Variants in CELF2 observed in about 807,000 individuals in gnomAD.
The protein encoded by CELF2 is CUG triplet repeat RNA-binding protein 2.
In CELF2, 8 loss-of-function variants were observed where a neutral mutation model predicts 62.6. The observed-to-expected ratio is 0.13, with a 90% CI of 0.07 to 0.23. The LOEUF (loss-of-function observed/expected upper bound fraction) is 0.23, where lower values mean the gene tolerates loss of function less well. CELF2 is among the 10% of genes least tolerant of loss of function. CELF2 has a pLI of 1.00. For synonymous variants in CELF2, 258 were observed against 250.0 expected (o/e 1.03, Z -0.30); for missense variants, 333 against 671.0 (o/e 0.50, Z 5.56).
intron 1 of CELF2, among the ~76,000 whole-genome samples, chr10:11,073,005 C>G (rs2070633868): frequency 6.6e-6 from 1 of 151,800 alleles, no homozygotes; most frequent in South Asian, 2.1e-4. Flanking sequence ...TTACACAAAT[C>G]ACACTCTTAT....
At chr10:10,852,239 A>G (rs535430604) in intron 1 of CELF2, among the ~76,000 whole-genome samples, 56 of 152,370 alleles carry the variant, frequency 3.7e-4, no homozygotes, top group African/African-American at 9.9e-4. Flanking sequence ...TGATACATCC[A>G]TACAATGGAC....
At chr10:11,050,194 C>T (rs552437965) in intron 1 of CELF2, among the ~76,000 whole-genome samples, 4 of 152,296 alleles carry the variant, frequency 2.6e-5, no homozygotes, top group East Asian at 1.9e-4. Context: ...GAAAATGTGG[C>T]GTTCTAAGAA....
chr10:10,496,379 G>A, the CELF2 span, among the ~76,000 whole-genome samples: 7 of 152,108 alleles, frequency 4.6e-5, no homozygotes, highest in Non-Finnish European at 2.9e-5. Context: ...TACTACCATA[G>A]TAGTCTCCTT....
At chr10:10,738,057 G>A in the CELF2 span, among the ~76,000 whole-genome samples, 2 of 152,166 alleles carry the variant, frequency 1.3e-5, no homozygotes, top group African/African-American at 4.8e-5. Context: ...CCACAGGTGG[G>A]ACTGGGTTTG....
intron 1 of CELF2, among the ~76,000 whole-genome samples, chr10:11,162,063 T>C: frequency 6.6e-6 from 1 of 152,148 alleles, no homozygotes; most frequent in Non-Finnish European, 1.5e-5. Flanking sequence ...TAAACCAAGC[T>C]GCGGCAGTAC....
chr10:11,202,065 C>T (rs1273264913), intron 2 of CELF2, among the ~76,000 whole-genome samples: 1 of 152,004 alleles, frequency 6.6e-6, no homozygotes, highest in Non-Finnish European at 1.5e-5. Context: ...GACATCTGTT[C>T]CTACCTGAAT....
chr10:10,566,664 C>T, the CELF2 span, among the ~76,000 whole-genome samples: 1 of 149,454 alleles, frequency 6.7e-6, no homozygotes, highest in African/African-American at 2.5e-5. Flanking sequence ...TGAGAATATG[C>T]TTTGAGAAAA....
chr10:10,767,211 G>A, the CELF2 span, among the ~76,000 whole-genome samples: 7 of 129,790 alleles, frequency 5.4e-5, no homozygotes, highest in South Asian at 4.7e-4. Context: ...CAACAGTACC[G>A]CCACCACCAC....
At chr10:11,236,349 A>G (rs2136641944) in intron 3 of CELF2, among the ~76,000 whole-genome samples, 1 of 152,354 alleles carries the variant, frequency 6.6e-6, no homozygotes, top group South Asian at 2.1e-4. Context: ...TTCAAAGGAA[A>G]CTAGAGATTA....
the CELF2 span, among the ~76,000 whole-genome samples, chr10:10,577,938 G>A: frequency 5.3e-5 from 8 of 152,290 alleles, no homozygotes; most frequent in South Asian, 2.1e-4. Flanking sequence ...TCGCCACACC[G>A]ACTTCCGCAA....
chr10:10,525,476 C>A, the CELF2 span, among the ~76,000 whole-genome samples: 1 of 152,166 alleles, frequency 6.6e-6, no homozygotes, highest in South Asian at 2.1e-4. Flanking sequence ...CATCCCTACC[C>A]TAGACCAACA....
the CELF2 span, among the ~76,000 whole-genome samples, chr10:10,552,749 A>T: frequency 2.0e-5 from 3 of 152,096 alleles, no homozygotes; most frequent in African/African-American, 7.2e-5. Context: ...TTCCTTTCTG[A>T]TGTTGTTCGT....
At chr10:10,574,116 A>G in the CELF2 span, among the ~76,000 whole-genome samples, 1 of 152,208 alleles carries the variant, frequency 6.6e-6, no homozygotes, top group Non-Finnish European at 1.5e-5. Context: ...CAGAAGACAT[A>G]TTTCATAGAA....
At chr10:10,718,214 G>A in the CELF2 span, among the ~76,000 whole-genome samples, 1 of 152,122 alleles carries the variant, frequency 6.6e-6, no homozygotes, top group Non-Finnish European at 1.5e-5. Context: ...CAAAGTGAGT[G>A]CTATCTTGCT....
At chr10:11,192,341 T>G (rs767624263) in intron 2 of CELF2, among the ~76,000 whole-genome samples, 2 of 152,228 alleles carry the variant, frequency 1.3e-5, no homozygotes, top group Non-Finnish European at 2.9e-5. Flanking sequence ...TTTATTCTAG[T>G]GACATTCAAG....
chr10:10,999,811 CA>C (rs974606264), intron 2 of CELF2, among the ~76,000 whole-genome samples: 6 of 152,146 alleles, frequency 3.9e-5, no homozygotes, highest in African/African-American at 7.2e-5. Flanking sequence ...TCCCTAGAAT[CA>C]AAACCACTAG....
chr10:10,526,569 G>C, the CELF2 span, among the ~76,000 whole-genome samples: 2 of 152,156 alleles, frequency 1.3e-5, no homozygotes, highest in Non-Finnish European at 2.9e-5. Context: ...GTCTAGACAT[G>C]TAAATTCAAC....
chr10:10,999,219 G>C (rs1432785077), intron 2 of CELF2, among the ~76,000 whole-genome samples: 1 of 152,172 alleles, frequency 6.6e-6, no homozygotes, highest in Non-Finnish European at 1.5e-5. Flanking sequence ...GTAACGCACA[G>C]GAAGAATGCT....
chr10:10,828,931 C>G (rs145004082), intron 1 of CELF2, among the ~76,000 whole-genome samples: 1 of 152,202 alleles, frequency 6.6e-6, no homozygotes, highest in African/African-American at 2.4e-5. Context: ...AGTAGCAACA[C>G]TTGCTGCAAA....
Sources: gnomAD v4.1 joint callset for allele counts (sites outside exome capture counted in the v4.1 genomes callset) on GRCh38, gnomAD v4.1.1 for gene constraint, MANE v1.5 for transcripts, NCBI Gene and HGNC (gene_info 2026-07-23, HGNC 2026-07-21) for gene names.